Variants in LAYN observed in about 807,000 individuals in gnomAD.
LAYN encodes the protein layilin.
LAYN carries 38 observed loss-of-function variants against 43.6 expected under a neutral mutation model. The observed-to-expected ratio is 0.87, with a 90% confidence interval of 0.67 to 1.14. The LOEUF is 1.14. Ranked by LOEUF, LAYN falls within the 50% of genes most tolerant of loss-of-function variation. LAYN has a pLI of 0.00. For synonymous variants in LAYN, 168 were observed against 172.9 expected (o/e 0.97, Z 0.22); for missense variants, 479 against 463.8 (o/e 1.03, Z -0.30).
chr11:111,551,557 G>A (rs935966151), intron 3 of LAYN: 7 of 388,328 alleles, frequency 1.8e-5, no homozygotes, highest in Admixed American at 5.9e-5. Flanking sequence ...TTGCCGACCT[G>A]TCCAGCTCAA....
At chr11:111,552,441 C>G (rs1867760784) in intron 3 of LAYN, among the ~76,000 whole-genome samples, 1 of 152,152 alleles carries the variant, frequency 6.6e-6, no homozygotes, top group Non-Finnish European at 1.5e-5. Context: ...GCGCATCATC[C>G]CATTATGTCA....
At chr11:111,546,040 T>C (rs1867643166) in intron 2 of LAYN, among the ~76,000 whole-genome samples, 1 of 152,200 alleles carries the variant, frequency 6.6e-6, no homozygotes, top group Admixed American at 6.5e-5. Context: ...AGGCCATCCA[T>C]AGCCTTCATC....
chr11:111,555,187 G>A lies in LAYN; in HGVS notation c.575-20G>A. The A allele has an allele frequency of 6.3e-7, 1 of 1,580,672 alleles. No homozygotes were observed. Among genetic ancestry groups the A allele is most frequent in the Non-Finnish European group, 8.7e-7 (1 of 1,150,412 alleles). On this transcript the variant is annotated intron_variant, in intron 4 of 6. Coordinates refer to ENST00000375614, the MANE Select transcript of LAYN (RefSeq NM_178834.5). ...ATTATGCCTTTCTTCAAGTTCACAA[G>A]TCCATGTGTCTCTCTCCAGGTGAGG...
chr11:111,554,329 A>G (rs1301289720), intron 3 of LAYN, among the ~76,000 whole-genome samples: 1 of 151,826 alleles, frequency 6.6e-6, no homozygotes, highest in Non-Finnish European at 1.5e-5. Context: ...ACGTTTTTAA[A>G]TACTTTTTTA....
At chr11:111,548,976 G>C (rs1016671722) in intron 2 of LAYN, among the ~76,000 whole-genome samples, 2 of 152,348 alleles carry the variant, frequency 1.3e-5, no homozygotes, top group South Asian at 2.1e-4. Flanking sequence ...TAGGGGGCTA[G>C]GGAGACAAAG....
intron 6 of LAYN, among the ~76,000 whole-genome samples, chr11:111,558,522 T>C (rs1867884075): frequency 6.6e-6 from 1 of 152,132 alleles, no homozygotes; most frequent in Admixed American, 6.6e-5. Context: ...TTATTTCCTT[T>C]GAATCTTAAA....
At position 111,560,094 on chromosome 11, in the gene LAYN, G is replaced by A. The variant is rs1386214986; in HGVS notation, c.762-1G>A. 7 of 1,595,750 alleles carry A rather than the reference G, an allele frequency of 4.4e-6. No individual in the cohort carries two copies. Among genetic ancestry groups the A allele is most frequent in the Non-Finnish European group, 8.5e-7 (1 of 1,171,028 alleles). On this transcript the variant is annotated splice_acceptor_variant, in intron 6 of 6. Transcript: ENST00000375614. LOFTEE classifies it high-confidence loss of function. The stretch of plus-strand genomic sequence containing the variant: ...TCAGCCCTGGTTTTCTTTCTTCCTA[G>A]AAAACGGGAGCAGCCAGACCCTAGC...
Position 111,561,330 on chromosome 11 carries a change from TGC to T in LAYN, c.*874_*875del, listed in dbSNP as rs1867953583. The T allele has an allele frequency of 6.6e-6, 1 of 152,238 alleles. No individual in the cohort carries two copies. The highest frequency in any genetic ancestry group is 1.5e-5 in the Non-Finnish European group (1 of 68,040). The allele number at this position is 152,238 out of a possible 1,614,324, so 9.4% of individuals were successfully genotyped here. A position where few individuals can be genotyped will look rare whatever the true frequency, so the allele number is the denominator to read the frequency against. ...AGCTAGGATCACGCCACTGCTCTCC[TGC>T]GTGGGCAACAGAATGAGACCCTGTC... On this transcript the variant is annotated 3_prime_UTR_variant, in exon 7 of 7. Transcript: ENST00000375614.
In LAYN at chr11:111,544,079, T is replaced by G; in HGVS notation, c.242T>G (p.Leu81Arg). The G allele has an allele frequency of 6.2e-7, 1 of 1,614,134 alleles. No homozygotes were observed. The highest frequency in any genetic ancestry group is 1.6e-4 in the Middle Eastern group (1 of 6,062). ...VSIESEDEQK[L>R]IEKFIENLLP... ...ATCGAGTCTGAAGATGAACAGAAAC[T>G]GATAGAAAAGTTCATTGAAAACCTC... is the stretch of plus-strand genomic sequence containing the variant. The change falls in exon 2 of 7, where the codon CTG becomes CGG. Residue 81 changes from leucine (L) to arginine (R), a missense_variant. Transcript: ENST00000375614.
Position 111,560,257 on chromosome 11 carries a change from A to G in LAYN, c.924A>G (p.Arg308=), listed in dbSNP as rs919009634. ...TRPDLKNISF[R]VCSGEATPDD... is the part of the protein sequence containing the mutation. ...CAGACCTGAAGAATATTTCATTCCG[A>G]GTGTGTTCGGGAGAAGCCACTCCCG... Residue 308 remains arginine, a synonymous_variant, in exon 7 of 7, where the codon CGA becomes CGG. Transcript: ENST00000375614. The G allele has an allele frequency of 9.3e-6, 15 of 1,614,050 alleles. No individual in the cohort carries two copies. Among genetic ancestry groups the G allele is most frequent in the Non-Finnish European group, 1.3e-5 (15 of 1,180,038 alleles).
intron 3 of LAYN, 59 bp downstream of exon 3, chr11:111,549,834 C>A: frequency 6.6e-7 from 1 of 1,525,768 alleles, no homozygotes; most frequent in Non-Finnish European, 8.8e-7. Flanking sequence ...ATTTCATGAG[C>A]TGCTGCTAGT....
At chr11:111,546,398 A>G (rs931274133) in intron 2 of LAYN, among the ~76,000 whole-genome samples, 3 of 152,202 alleles carry the variant, frequency 2.0e-5, no homozygotes, top group African/African-American at 7.2e-5. Flanking sequence ...AACTAGATGT[A>G]CCAACTAAAG....
Position 111,543,983 on chromosome 11 carries a change from A to T in LAYN, c.146A>T (p.Asp49Val), listed in dbSNP as rs1360193242. Reference protein sequence around the residue: ...RPCYKVIYFHDTSRRLNFEEA... With the variant: ...RPCYKVIYFHVTSRRLNFEEA... Reference sequence around the variant, plus strand: ...TGTTATAAAGTCATTTACTTCCATGATACTTCTCGAAGACTGAACTTTGAG... The same window carrying T: ...TGTTATAAAGTCATTTACTTCCATGTTACTTCTCGAAGACTGAACTTTGAG... The change falls in exon 2 of 7, where the codon GAT becomes GTT. Residue 49 changes from aspartate to valine, a missense_variant. Transcript: ENST00000375614. 6.2e-7 allele frequency: 1 copy of T among 1,614,214 alleles called. No individual in the cohort carries two copies. Among genetic ancestry groups the T allele is most frequent in the South Asian group, 1.1e-5 (1 of 91,082 alleles).
At chr11:111,540,712 C>G (rs556096663), upstream of LAYN, 13 of 849,112 alleles carry the variant, frequency 1.5e-5, no homozygotes, top group Non-Finnish European at 2.2e-5. Flanking sequence ...CCCTCCCCCC[C>G]GCCTCCCGTG....
chr11:111,542,751 C>G (rs1428029119), intron 1 of LAYN, among the ~76,000 whole-genome samples: 1 of 152,220 alleles, frequency 6.6e-6, no homozygotes, highest in Non-Finnish European at 1.5e-5. Flanking sequence ...GTGGTTTTCA[C>G]TTTGAACATT....
intron 2 of LAYN, among the ~76,000 whole-genome samples, chr11:111,546,835 A>G (rs1337899037): frequency 6.6e-6 from 1 of 152,174 alleles, no homozygotes; most frequent in African/African-American, 2.4e-5. Flanking sequence ...AAAGGTGACT[A>G]ATTTTCAGCT....
Position 111,560,818 on chromosome 11 carries a change from T to G in LAYN, c.*360T>G. 1 of 217,558 alleles carries G rather than the reference T, an allele frequency of 4.6e-6. No individual in the cohort carries two copies. The highest frequency in any genetic ancestry group is 9.2e-6 in the Non-Finnish European group (1 of 109,274). 13.5% of individuals were successfully genotyped at this position (217,558 alleles called of 1,614,324 possible). A position where few individuals can be genotyped will look rare whatever the true frequency, so the allele number is the denominator to read the frequency against. ...AACCACCTCTGTTTTCCTTGCTCTA[T>G]ACAGCAGCACATATTATCATACAGA... On this transcript the variant is annotated 3_prime_UTR_variant, in exon 7 of 7. Transcript: ENST00000375614.
intron 1 of LAYN, chr11:111,541,432 G>T: frequency 3.6e-6 from 3 of 833,992 alleles, no homozygotes; most frequent in Non-Finnish European, 5.9e-6. Context: ...TGCGGGGTTG[G>T]ATGGCTGGGT....
At chr11:111,546,122 A>G (rs1867644725) in intron 2 of LAYN, among the ~76,000 whole-genome samples, 1 of 152,142 alleles carries the variant, frequency 6.6e-6, no homozygotes, top group African/African-American at 2.4e-5. Context: ...GGCATTACCT[A>G]GCTGAGTTAT....
Sources: allele counts gnomAD v4.1 joint callset (sites outside exome capture counted in the v4.1 genomes callset), GRCh38; gene constraint gnomAD v4.1.1; transcripts MANE v1.5; gene names NCBI Gene and HGNC (gene_info 2026-07-23, HGNC 2026-07-21).